EPS15: variants seen among roughly 807,000 people sequenced by gnomAD.
EPS15 encodes epidermal growth factor receptor substrate 15.
In EPS15, 72 loss-of-function variants were observed where a neutral mutation model predicts 113.8. The observed-to-expected ratio is 0.63, with a 90% confidence interval of 0.52 to 0.77. EPS15 has a LOEUF of 0.77. EPS15 is among the 30% of genes least tolerant of loss of function. The pLI, the probability that EPS15 is intolerant of heterozygous loss-of-function variation, is 0.00. For missense variants in EPS15, 1,048 were observed against 1,045.8 expected (o/e 1.00, Z -0.03); for synonymous variants, 344 against 363.4 (o/e 0.95, Z 0.61).
At chr1:51,404,976 C>T (rs767201324) in intron 16 of EPS15, among the ~76,000 whole-genome samples, 1 of 152,210 alleles carries the variant, frequency 6.6e-6, no homozygotes, top group Non-Finnish European at 1.5e-5. Flanking sequence ...AGATTCTGTG[C>T]TGCATGTATT....
intron 2 of EPS15, among the ~76,000 whole-genome samples, chr1:51,476,075 T>A (rs531361370): frequency 6.6e-6 from 1 of 152,330 alleles, no homozygotes; most frequent in South Asian, 2.1e-4. Flanking sequence ...GCTGTTTTGG[T>A]TACTGCAGCC....
intron 8 of EPS15, among the ~76,000 whole-genome samples, chr1:51,455,639 A>ATT (rs1254389736): frequency 3.3e-5 from 5 of 152,150 alleles, no homozygotes; most frequent in Non-Finnish European, 7.4e-5. Flanking sequence ...TGTCGCCTTA[A>ATT]TGCTCCATCA....
At chr1:51,392,231 G>T (rs540592742) in intron 21 of EPS15, among the ~76,000 whole-genome samples, 41 of 152,222 alleles carry the variant, frequency 2.7e-4, no homozygotes, top group Middle Eastern at 3.4e-3. Context: ...TCTGAAAACT[G>T]TTTCATCTCT....
intron 13 of EPS15, among the ~76,000 whole-genome samples, chr1:51,417,048 C>G (rs141304341): frequency 2.0e-5 from 3 of 151,860 alleles, no homozygotes; most frequent in Non-Finnish European, 2.9e-5. Flanking sequence ...TTAGAAAACC[C>G]CATTAACAGA....
intron 12 of EPS15, 64 bp downstream of exon 12, chr1:51,440,277 CTGTGTG>C (rs3040220): frequency 0.055 from 24,418 of 443,210 alleles, 1,086 homozygotes; most frequent in African/African-American, 0.22. Flanking sequence ...TATACATGTA[CTGTGTG>C]TGTGTGTGTG....
At chr1:51,463,820 C>G in intron 6 of EPS15, 22 bp from the exon 7 acceptor site, 1 of 1,490,378 alleles carries the variant, frequency 6.7e-7, no homozygotes, top group Non-Finnish European at 9.1e-7. Flanking sequence ...AACAAAATCA[C>G]AAGTTAAATA....
intron 8 of EPS15, chr1:51,458,561 A>G: frequency 2.2e-6 from 1 of 445,142 alleles, no homozygotes; most frequent in Non-Finnish European, 4.5e-6. Context: ...ACACGGCGAA[A>G]CGCTGTCTCT....
chr1:51,499,061 A>C lies in EPS15; in HGVS notation c.34-17747T>G, dbSNP rs148060692. 6.8e-4 allele frequency among the ~76,000 whole-genome samples: 104 copies of C among 152,320 alleles called. No homozygotes were observed. The Middle Eastern group carries it at 0.01, about 15-fold the overall frequency. On this transcript the variant is annotated intron_variant, in intron 1 of 24. Transcript: ENST00000371733. ...TTCTACCATATGAGGATGCAGCAAG[A>C]AGCATTATCTTGGAAGGACAAAGCA...
At chr1:51,365,593 G>A (rs1435759589) in intron 22 of EPS15, among the ~76,000 whole-genome samples, 1 of 152,194 alleles carries the variant, frequency 6.6e-6, no homozygotes, top group African/African-American at 2.4e-5. Flanking sequence ...AACCAATACA[G>A]AGAGGACGAA....
chr1:51,515,025 G>A (rs1008542183), intron 1 of EPS15, among the ~76,000 whole-genome samples: 6 of 152,110 alleles, frequency 3.9e-5, no homozygotes, highest in Non-Finnish European at 8.8e-5. Context: ...AGACTACTAA[G>A]ATGATATGTT....
rs113371504 is a variant in EPS15 at position 51,469,869 on chromosome 1, T to TA, written c.214-1302dup. Among the ~76,000 whole-genome samples the TA allele has an allele frequency of 9.9e-3, 1,414 of 142,824 alleles. 10 individuals are homozygous for TA. The highest frequency in any genetic ancestry group is 0.027 in the African/African-American group (1,050 of 39,126). The allele number at this position is 142,824 out of a possible 152,430, so 93.7% of individuals were successfully genotyped here. On this transcript the variant is annotated intron_variant, in intron 4 of 24. Transcript: ENST00000371733. ...TCCTAGCTACCAAATAGAATAGCCT[T>TA]AAAAAAAAAAAAGCCTCATACTGCT... is the stretch of plus-strand genomic sequence containing the variant.
intron 11 of EPS15, 88 bp from the exon 12 acceptor site, chr1:51,440,520 T>C: frequency 2.0e-6 from 1 of 505,684 alleles, no homozygotes; most frequent in East Asian, 3.0e-5. Flanking sequence ...TCTACGCAGA[T>C]ATAAGGTATT....
intron 18 of EPS15, among the ~76,000 whole-genome samples, chr1:51,401,601 A>G (rs1648561528): frequency 6.6e-6 from 1 of 152,272 alleles, no homozygotes; most frequent in Non-Finnish European, 1.5e-5. Flanking sequence ...GTGACAGAAG[A>G]AAAAATAGAT....
chr1:51,420,569 T>C (rs1397658934), intron 13 of EPS15, among the ~76,000 whole-genome samples: 1 of 152,164 alleles, frequency 6.6e-6, no homozygotes, highest in Non-Finnish European at 1.5e-5. Context: ...GTGGCTCTTT[T>C]GCATTTCCTA....
At chr1:51,420,871 T>C (rs982520254) in intron 13 of EPS15, among the ~76,000 whole-genome samples, 3 of 152,046 alleles carry the variant, frequency 2.0e-5, no homozygotes, top group African/African-American at 7.2e-5. Flanking sequence ...AACAAAACAA[T>C]GGGCCTAACA....
intron 21 of EPS15, among the ~76,000 whole-genome samples, chr1:51,389,105 A>T (rs1373748964): frequency 6.6e-6 from 1 of 152,352 alleles, no homozygotes; most frequent in Non-Finnish European, 1.5e-5. Flanking sequence ...CAGCACATCA[A>T]AAAGCTTATC....
chr1:51,512,843 C>CT (rs59750666), intron 1 of EPS15, among the ~76,000 whole-genome samples: 6,791 of 118,654 alleles, frequency 0.057, 629 homozygotes, highest in African/African-American at 0.18. Context: ...TGAGCAATAT[C>CT]TTTTTTTTTT....
chr1:51,381,754 C>G (rs1008767266), intron 21 of EPS15, among the ~76,000 whole-genome samples: 3 of 151,994 alleles, frequency 2.0e-5, no homozygotes, highest in Non-Finnish European at 4.4e-5. Context: ...TAGAAAATAT[C>G]TTGAAACAAA....
chr1:51,426,288 G>A (rs544907249), intron 12 of EPS15, among the ~76,000 whole-genome samples: 1 of 151,120 alleles, frequency 6.6e-6, no homozygotes, highest in South Asian at 2.1e-4. Context: ...TGACTGTCCA[G>A]AAATTGGCTC....
Sources: allele counts gnomAD v4.1 joint callset (sites outside exome capture counted in the v4.1 genomes callset), GRCh38; gene constraint gnomAD v4.1.1; transcripts MANE v1.5; gene names NCBI Gene and HGNC (gene_info 2026-07-23, HGNC 2026-07-21).